Variants in GH1 observed in about 807,000 individuals in gnomAD.
GH1 encodes the protein somatotropin.
Under a neutral mutation model 24.5 loss-of-function variants are expected in GH1, and 13 were observed. The observed-to-expected ratio is 0.53, with a 90% CI of 0.35 to 0.85. The LOEUF (loss-of-function observed/expected upper bound fraction) is 0.85. GH1 is among the 40% of genes least tolerant of loss of function. The pLI is 0.01. For synonymous variants in GH1, 126 were observed against 116.3 expected (o/e 1.08, Z -0.54); for missense variants, 294 against 273.2 (o/e 1.08, Z -0.54).
intron 4 of GH1, 23 bp from the exon 5 acceptor site, chr17:63,917,529 G>A (rs1438547632): frequency 6.2e-7 from 1 of 1,613,870 alleles, no homozygotes; most frequent in East Asian, 2.2e-5. Context: ...GGAAGAGAAG[G>A]AGAGGCCAAG....
Position 63,918,353 on chromosome 17 carries a change from T to A in GH1, c.164A>T (p.Gln55Leu). 14 of 1,614,140 alleles carry A rather than the reference T, an allele frequency of 8.7e-6. No individual in the cohort carries two copies. The highest frequency in any genetic ancestry group is 1.2e-5 in the Non-Finnish European group (14 of 1,180,006). ...RLHQLAFDTYQEFEEAYIPKE... is the reference protein window; with the variant it reads ...RLHQLAFDTYLEFEEAYIPKE... ...CATTCCCCAAGAGCTTACAAACTCC[T>A]GGTAGGTGTCAAAGGCCAGCTGGTG... is the stretch of plus-strand genomic sequence containing the variant. Residue 55 changes from glutamine to leucine, a missense_variant, in exon 2 of 5, where the codon CAG (glutamine) becomes CTG (leucine). By Grantham distance (113) the Gln-to-Leu change is moderately radical (BLOSUM62 -2). Coordinates refer to ENST00000323322, the MANE Select transcript of GH1 (RefSeq NM_000515.5).
At position 63,918,785 on chromosome 17, in the gene GH1, G is replaced by C. The variant is rs774519450; in HGVS notation, c.-9C>G. The stretch of plus-strand genomic sequence containing the variant: ...CGCTTACCTGTAGCCATTGCAGCTA[G>C]GTGAGCTGTCCACAGGACCCTGAGT... On this transcript the variant is annotated 5_prime_UTR_variant, in exon 1 of 5. Transcript: ENST00000323322. 2 of 1,613,984 alleles carry C rather than the reference G, an allele frequency of 1.2e-6. No homozygotes were observed. The highest frequency in any genetic ancestry group is 2.2e-5 in the East Asian group (1 of 44,888).
Position 63,917,910 on chromosome 17 carries a change from G to A in GH1, c.306C>T (p.Leu102=), listed in dbSNP as rs1258209778. 9 of 1,614,040 alleles carry A rather than the reference G, an allele frequency of 5.6e-6. No homozygotes were observed. The highest frequency in any genetic ancestry group is 7.6e-6 in the Non-Finnish European group (9 of 1,180,028). ...ETQQKSNLEL[L]RISLLLIQSW... ...ACTGGATGAGCAGCAGGGAGATGCG[G>A]AGCAGCTCTAGGTTCTGCAGGGGAA... Residue 102 remains leucine (L), a synonymous_variant, in exon 4 of 5, where the codon CTC becomes CTT. Coordinates refer to ENST00000323322, the MANE Select transcript of GH1 (RefSeq NM_000515.5).
rs751135936 is a variant in GH1 at position 63,918,391 on chromosome 17, G to A, written c.126C>T (p.Arg42=). Residue 42 remains arginine, a synonymous_variant, in exon 2 of 5, where the codon CGC becomes CGT. Coordinates refer to ENST00000323322, the MANE Select transcript of GH1 (RefSeq NM_000515.5). ...AGGCCAGCTGGTGCAGACGATGGGC[G>A]CGGAGCATAGCGTTGTCAAAAAGCC... The part of the protein sequence containing the change: ...LSRLFDNAML[R]AHRLHQLAFD... The A allele has an allele frequency of 1.2e-5, 20 of 1,614,178 alleles. No individual in the cohort carries two copies. The highest frequency in any genetic ancestry group is 1.6e-4 in the Middle Eastern group (1 of 6,062).
In GH1 at chr17:63,918,505, G is replaced by A. The variant is rs146624652; in HGVS notation, c.12C>T (p.Gly4=). 8 of 1,613,922 alleles carry A rather than the reference G, an allele frequency of 5.0e-6. No homozygotes were observed. The highest frequency in any genetic ancestry group is 6.8e-6 in the Non-Finnish European group (8 of 1,180,024). The change falls in exon 2 of 5, where the codon GGC becomes GGT. Residue 4 remains glycine (G), a splice_region_variant and synonymous_variant. Transcript: ENST00000323322. ...AAGCCAGGAGCAGGGACGTCCGGGA[G>A]CCTGGGGAGAAACCAGAGGGCAACA... MAT[G]SRTSLLLAFG... is the part of the protein sequence containing the mutation.
Position 63,918,121 on chromosome 17 carries a change from G to T in GH1, c.187C>A (p.Pro63Thr). 5 of 1,614,168 alleles carry T rather than the reference G, an allele frequency of 3.1e-6. No homozygotes were observed. The highest frequency in any genetic ancestry group is 4.2e-6 in the Non-Finnish European group (5 of 1,180,028). The change falls in exon 3 of 5, where the codon CCA becomes ACA. Residue 63 changes from proline to threonine, a missense_variant. Pro to Thr is a conservative substitution (Grantham distance 38). Transcript: ENST00000323322. ...AGGAATGAATACTTCTGTTCCTTTG[G>T]GATATAGGCTTCTTCCTAGGAGAAG... ...TYQEFEEAYI[P>T]KEQKYSFLQN...
Position 63,918,129 on chromosome 17 carries a change from G to C in GH1, c.179C>G (p.Ala60Gly). 1 of 1,614,142 alleles carries C rather than the reference G, an allele frequency of 6.2e-7. No individual in the cohort carries two copies. Among genetic ancestry groups the C allele is most frequent in the Non-Finnish European group, 8.5e-7 (1 of 1,180,004 alleles). Residue 60 changes from alanine to glycine, a missense_variant, in exon 3 of 5, where the codon GCC (alanine) becomes GGC (glycine). Coordinates refer to ENST00000323322, the MANE Select transcript of GH1 (RefSeq NM_000515.5). ...AFDTYQEFEEAYIPKEQKYSF... is the reference protein window; with the variant it reads ...AFDTYQEFEEGYIPKEQKYSF... ...ATACTTCTGTTCCTTTGGGATATAG[G>C]CTTCTTCCTAGGAGAAGGACCGCCC...
intron 1 of GH1, 57 bp downstream of exon 1, chr17:63,918,710 G>A (rs1362966864): frequency 8.7e-6 from 14 of 1,613,094 alleles, no homozygotes; most frequent in Non-Finnish European, 1.0e-5. Context: ...CCATCTACAG[G>A]TCGCTGCCTC....
In GH1 at chr17:63,918,752, T is replaced by C. The variant is rs1260056845; in HGVS notation, c.10+15A>G. ...CAGGACACATTGTGCCCAAAGGGAT[T>C]TTAGGGGCGCTTACCTGTAGCCATT... On this transcript the variant is annotated intron_variant, in intron 1 of 4. Transcript: ENST00000323322. The C allele has an allele frequency of 8.7e-6, 14 of 1,613,866 alleles. No homozygotes were observed. Among genetic ancestry groups the C allele is most frequent in the Non-Finnish European group, 1.2e-5 (14 of 1,179,838 alleles).
In GH1 at chr17:63,918,052, T is replaced by C. The variant is rs1907471522; in HGVS notation, c.256A>G (p.Thr86Ala). The C allele has an allele frequency of 1.9e-6, 3 of 1,613,968 alleles. No individual in the cohort carries two copies. In the African/African-American group the frequency reaches 4.0e-5, roughly 22 times the overall value. ...TGTGTTTCCTCCCTGTTGGAGGGTGTCGGAATAGACTCTGAGAAACAGAGG... is the reference window on the plus strand; with the variant it reads ...TGTGTTTCCTCCCTGTTGGAGGGTGCCGGAATAGACTCTGAGAAACAGAGG... Reference protein sequence around the residue: ...TSLCFSESIPTPSNREETQQK... With the variant: ...TSLCFSESIPAPSNREETQQK... The change falls in exon 3 of 5, where the codon ACA becomes GCA. Residue 86 changes from threonine (T) to alanine (A), a missense_variant. Coordinates refer to ENST00000323322, the MANE Select transcript of GH1 (RefSeq NM_000515.5).
In GH1 at chr17:63,918,102, G is replaced by C. The variant is rs755877694; in HGVS notation, c.206C>G (p.Ser69Ter). 2.5e-6 allele frequency: 4 copies of C among 1,614,192 alleles called. 1 individual carries two copies. The South Asian group carries it at 4.4e-5, about 18-fold the overall frequency. The change falls in exon 3 of 5, where the codon TCA (serine) becomes TGA (stop). Residue 69 changes from serine to a stop codon, truncating the protein, a stop_gained. Coordinates refer to ENST00000323322, the MANE Select transcript of GH1 (RefSeq NM_000515.5). LOFTEE classifies it high-confidence loss of function. ...EAYIPKEQKY[S>*]FLQNPQTSLC... The stretch of plus-strand genomic sequence containing the variant: ...GGAGGTCTGGGGGTTCTGCAGGAAT[G>C]AATACTTCTGTTCCTTTGGGATATA...
Position 63,917,473 on chromosome 17 carries a change from T to A in GH1, c.490A>T (p.Ile164Phe). Reference protein sequence around the residue: ...LEDGSPRTGQIFKQTYSKFDT... With the variant: ...LEDGSPRTGQFFKQTYSKFDT... ...AACTTGCTGTAGGTCTGCTTGAAGA[T>A]CTGCCCAGTCCGGGGGCTGCCATCT... The change falls in exon 5 of 5, where the codon ATC (isoleucine) becomes TTC (phenylalanine). Residue 164 changes from isoleucine to phenylalanine, a missense_variant. Physicochemically the swap from Ile to Phe is conservative, Grantham distance 21. Transcript: ENST00000323322. 1.2e-6 allele frequency: 2 copies of A among 1,613,990 alleles called. No homozygotes were observed. Among genetic ancestry groups the A allele is most frequent in the Non-Finnish European group, 1.7e-6 (2 of 1,179,856 alleles).
Position 63,917,359 on chromosome 17 carries a change from A to G in GH1, c.604T>C (p.Phe202Leu). ...GAGCGGCACTGCACGATGCGCAGGA[A>G]TGTCTCGACCTTGTCCATGTCCTTC... ...FRKDMDKVET[F>L]LRIVQCRSVE... is the part of the protein sequence containing the mutation. The change falls in exon 5 of 5, where the codon TTC becomes CTC. Residue 202 changes from phenylalanine (F) to leucine (L), a missense_variant. Physicochemically the swap from Phe to Leu is conservative, Grantham distance 22 (BLOSUM62 0). Coordinates refer to ENST00000323322, the MANE Select transcript of GH1 (RefSeq NM_000515.5). 1 of 1,613,992 alleles carries G rather than the reference A, an allele frequency of 6.2e-7. No homozygotes were observed. The highest frequency in any genetic ancestry group is 8.5e-7 in the Non-Finnish European group (1 of 1,179,892).
intron 2 of GH1, 55 bp from the exon 3 acceptor site, chr17:63,918,191 C>T (rs924531024): frequency 5.0e-6 from 8 of 1,613,940 alleles, no homozygotes; most frequent in African/African-American, 2.7e-5. Flanking sequence ...CCCATTGTTA[C>T]TTTTCTGGGA....
At chr17:63,917,548 T>A in intron 4 of GH1, 42 bp from the exon 5 acceptor site, 1 of 1,613,920 alleles carries the variant, frequency 6.2e-7, no homozygotes, top group South Asian at 1.1e-5. Context: ...AGCGCTTGGG[T>A]ACTGTTCCCT....
At chr17:63,917,586 C>G in intron 4 of GH1, 80 bp from the exon 5 acceptor site, 1 of 1,613,938 alleles carries the variant, frequency 6.2e-7, no homozygotes, top group Non-Finnish European at 8.5e-7. Context: ...ATTTTCCTCC[C>G]TCCCCTTCAG....
At chr17:63,917,577 T>C (rs996090846) in intron 4 of GH1, 71 bp from the exon 5 acceptor site, 8 of 1,613,786 alleles carry the variant, frequency 5.0e-6, no homozygotes, top group African/African-American at 4.0e-5. Context: ...CATTCATTCA[T>C]TTTCCTCCCT....
chr17:63,918,587 T>C (rs755580588), intron 1 of GH1, 81 bp from the exon 2 acceptor site: 33 of 1,611,290 alleles, frequency 2.0e-5, no homozygotes, highest in South Asian at 1.2e-4. Flanking sequence ...CTGTTTGTTT[T>C]TCTCTCTCCA....
chr17:63,917,622 C>A, intron 4 of GH1, 116 bp from the exon 5 acceptor site: 1 of 1,613,774 alleles, frequency 6.2e-7, no homozygotes, highest in East Asian at 2.2e-5. Context: ...CTGGAGGATT[C>A]ACGAGGGGAA....
Sources: allele counts gnomAD v4.1 joint callset, GRCh38; gene constraint gnomAD v4.1.1; transcripts MANE v1.5; gene names NCBI Gene and HGNC (gene_info 2026-07-23, HGNC 2026-07-21).